CNTNAP2: variants seen among roughly 807,000 people sequenced by gnomAD.
CNTNAP2 encodes the protein contactin-associated protein-like 2.
Under a neutral mutation model 155.2 loss-of-function variants are expected in CNTNAP2, and 98 were observed. The observed-to-expected ratio is 0.63, with a 90% CI of 0.54 to 0.75. CNTNAP2 has a LOEUF of 0.75. Ranked by LOEUF, CNTNAP2 falls within the 30% of genes least tolerant of loss-of-function variation. The pLI is 0.00. For synonymous variants in CNTNAP2, 651 were observed against 631.2 expected (o/e 1.03, Z -0.47); for missense variants, 1,727 against 1,688.1 (o/e 1.02, Z -0.40).
chr7:146,373,903 T>C (rs1454343328), intron 1 of CNTNAP2, among the ~76,000 whole-genome samples: 1 of 152,160 alleles, frequency 6.6e-6, no homozygotes, highest in Non-Finnish European at 1.5e-5. Context: ...TGAAGAAAAA[T>C]AGTTTTTAAT....
intron 3 of CNTNAP2, among the ~76,000 whole-genome samples, chr7:146,956,217 C>A (rs1294001411): frequency 6.6e-6 from 1 of 152,026 alleles, no homozygotes; most frequent in Non-Finnish European, 1.5e-5. Context: ...GTAAACAATT[C>A]AGTTAGGAAA....
intron 1 of CNTNAP2, among the ~76,000 whole-genome samples, chr7:146,577,381 C>T (rs966061393): frequency 6.6e-6 from 1 of 151,982 alleles, no homozygotes; most frequent in African/African-American, 2.4e-5. Flanking sequence ...TGCATTTCCT[C>T]AAAAATCTAA....
chr7:147,566,688 C>T (rs542370748), intron 12 of CNTNAP2, among the ~76,000 whole-genome samples: 1 of 152,188 alleles, frequency 6.6e-6, no homozygotes, highest in East Asian at 1.9e-4. Flanking sequence ...GAAACTGTCC[C>T]CATAATCCAA....
chr7:147,109,884 T>G (rs1411449087), intron 5 of CNTNAP2, among the ~76,000 whole-genome samples: 1 of 147,044 alleles, frequency 6.8e-6, no homozygotes, highest in Non-Finnish European at 1.5e-5. Flanking sequence ...TATGTGGGGT[T>G]GTTGTTATTT....
intron 8 of CNTNAP2, among the ~76,000 whole-genome samples, chr7:147,227,573 T>A (rs530053157): frequency 6.6e-6 from 1 of 152,252 alleles, no homozygotes; most frequent in East Asian, 1.9e-4. Context: ...TGTTAACAGA[T>A]GGACGAAAGG....
intron 9 of CNTNAP2, among the ~76,000 whole-genome samples, chr7:147,326,023 T>C (rs141968755): frequency 0.048 from 7,321 of 152,146 alleles, 274 homozygotes; most frequent in Non-Finnish European, 0.075. Flanking sequence ...CCTGGGTTCA[T>C]GCCATTCTCC....
intron 3 of CNTNAP2, among the ~76,000 whole-genome samples, chr7:146,866,230 A>T (rs546646608): frequency 6.6e-6 from 1 of 152,298 alleles, no homozygotes; most frequent in South Asian, 2.1e-4. Flanking sequence ...AAAGTCCAAG[A>T]TAAAAGAAAT....
intron 1 of CNTNAP2, among the ~76,000 whole-genome samples, chr7:146,274,915 G>A (rs1347240347): frequency 1.3e-5 from 2 of 152,086 alleles, no homozygotes; most frequent in African/African-American, 4.8e-5. Context: ...CTACACTGAT[G>A]CCAGGTTATG....
chr7:147,886,036 G>T (rs35814206), intron 13 of CNTNAP2, among the ~76,000 whole-genome samples: 21,524 of 152,138 alleles, frequency 0.14, 1,634 homozygotes, highest in African/African-American at 0.2. Context: ...TTCCCATTTT[G>T]TAGCTGCTTT....
chr7:146,685,967 T>A (rs898814293), intron 1 of CNTNAP2, among the ~76,000 whole-genome samples: 4 of 152,092 alleles, frequency 2.6e-5, no homozygotes, highest in African/African-American at 9.7e-5. Context: ...ATCTATTTAA[T>A]AACACTTAGT....
chr7:146,235,634 A>G (rs1799459926), intron 1 of CNTNAP2, among the ~76,000 whole-genome samples: 1 of 152,104 alleles, frequency 6.6e-6, no homozygotes. Context: ...CTTTTCCCCA[A>G]GTGGTCATGA....
At chr7:148,104,795 G>A (rs1804174859) in intron 15 of CNTNAP2, among the ~76,000 whole-genome samples, 1 of 152,134 alleles carries the variant, frequency 6.6e-6, no homozygotes, top group Non-Finnish European at 1.5e-5. Context: ...ATCTGAGAAG[G>A]GAAATGCTGA....
chr7:146,158,761 G>A (rs779397791), intron 1 of CNTNAP2, among the ~76,000 whole-genome samples: 4 of 152,166 alleles, frequency 2.6e-5, no homozygotes, highest in African/African-American at 4.8e-5. Flanking sequence ...CCAAATCTAC[G>A]TCTGACTGGT....
At chr7:147,315,641 C>T (rs754396850) in intron 9 of CNTNAP2, among the ~76,000 whole-genome samples, 22 of 151,998 alleles carry the variant, frequency 1.4e-4, no homozygotes, top group East Asian at 3.9e-4. Flanking sequence ...GCCACACGCC[C>T]GGCTAATTTT....
intron 3 of CNTNAP2, among the ~76,000 whole-genome samples, chr7:147,018,369 G>T (rs937909251): frequency 3.3e-5 from 5 of 152,010 alleles, no homozygotes; most frequent in African/African-American, 1.2e-4. Flanking sequence ...ACTCTGTCAT[G>T]GCATGTGCCC....
chr7:148,315,116 A>T (rs1797664788), intron 21 of CNTNAP2, among the ~76,000 whole-genome samples: 2 of 152,202 alleles, frequency 1.3e-5, no homozygotes, highest in Admixed American at 6.5e-5. Context: ...CAGAGGTCGT[A>T]GGTGGATCTT....
At chr7:146,873,563 G>A (rs1294474156) in intron 3 of CNTNAP2, among the ~76,000 whole-genome samples, 1 of 152,108 alleles carries the variant, frequency 6.6e-6, no homozygotes, top group Admixed American at 6.6e-5. Context: ...GTGACCCTCT[G>A]TGGGTAAGAA....
rs1191366617 is a variant in CNTNAP2, at chr7:147,421,714, G to T, written c.1670+25934G>T. 2.0e-5 allele frequency among the ~76,000 whole-genome samples: 3 copies of T among 151,986 alleles called. No individual in the cohort carries two copies. The South Asian group carries it at 6.2e-4, about 32-fold the overall frequency. The stretch of plus-strand genomic sequence containing the variant: ...AATCTCATGTTAAAATGTTATCAAT[G>T]GGGCCTGGTAGGAGGTGTTTGGGTC... On this transcript the variant is annotated intron_variant, in intron 10 of 23. Transcript: ENST00000361727.
At chr7:146,163,579 ATCTATC>A (rs10586294) in intron 1 of CNTNAP2, among the ~76,000 whole-genome samples, 11,276 of 144,188 alleles carry the variant, frequency 0.078, 502 homozygotes, top group African/African-American at 0.11. Flanking sequence ...ATATCTATCT[ATCTATC>A]TATATATATA....
Sources: gnomAD v4.1 joint callset for allele counts (sites outside exome capture counted in the v4.1 genomes callset) on GRCh38, gnomAD v4.1.1 for gene constraint, MANE v1.5 for transcripts, NCBI Gene and HGNC (gene_info 2026-07-23, HGNC 2026-07-21) for gene names.